The following TSPAN18 variants were observed in gnomAD, a reference collection of about 807,000 sequenced individuals.
The protein encoded by TSPAN18 is tetraspanin 18.
A neutral mutation model predicts 27.3 loss-of-function variants in TSPAN18; 14 were observed. That is an observed-to-expected ratio of 0.51 (90% CI 0.34 to 0.80). The LOEUF (loss-of-function observed/expected upper bound fraction) is 0.80, where lower values mean the gene tolerates loss of function less well. Ranked by LOEUF, TSPAN18 falls within the 30% of genes least tolerant of loss-of-function variation. The pLI is 0.01. For synonymous variants in TSPAN18, 143 were observed against 136.5 expected (o/e 1.05, Z -0.33); for missense variants, 268 against 323.9 (o/e 0.83, Z 1.32).
intron 1 of TSPAN18, 132 bp from the exon 2 acceptor site, chr11:44,764,294 G>T (rs999828719): frequency 6.6e-6 from 1 of 152,224 alleles, no homozygotes; most frequent in African/African-American, 2.4e-5. Context: ...TGGGTGCCCC[G>T]TCTGGCTTCT....
At chr11:44,804,177 C>T (rs1335151060) in intron 2 of TSPAN18, among the ~76,000 whole-genome samples, 3 of 152,134 alleles carry the variant, frequency 2.0e-5, no homozygotes, top group African/African-American at 4.8e-5. Flanking sequence ...GATCTCAGCT[C>T]ACTGCAACCT....
chr11:44,809,047 A>G (rs1481232610), intron 2 of TSPAN18, among the ~76,000 whole-genome samples: 1 of 152,110 alleles, frequency 6.6e-6, no homozygotes, highest in Non-Finnish European at 1.5e-5. Context: ...GTCCTAAATT[A>G]TTAATCTTCA....
At chr11:44,874,526 C>T (rs969234109) in intron 3 of TSPAN18, among the ~76,000 whole-genome samples, 4 of 152,198 alleles carry the variant, frequency 2.6e-5, no homozygotes, top group African/African-American at 9.7e-5. Flanking sequence ...TCAGCTGTCC[C>T]AAGTCACAGA....
At chr11:44,845,274 C>T (rs1300732496) in intron 2 of TSPAN18, among the ~76,000 whole-genome samples, 1 of 152,144 alleles carries the variant, frequency 6.6e-6, no homozygotes, top group Non-Finnish European at 1.5e-5. Flanking sequence ...CATGATTTGC[C>T]CCTCTGAGCC....
chr11:44,925,591 A>T (rs1860322675), intron 8 of TSPAN18: 1 of 152,224 alleles, frequency 6.6e-6, no homozygotes, highest in African/African-American at 2.4e-5. Flanking sequence ...CACGATGGAC[A>T]AGAGAAGTGA....
chr11:44,827,644 C>A (rs1857071913), intron 2 of TSPAN18, among the ~76,000 whole-genome samples: 1 of 152,224 alleles, frequency 6.6e-6, no homozygotes, highest in African/African-American at 2.4e-5. Flanking sequence ...ATCCCCCTTT[C>A]AAAATGTGGA....
intron 2 of TSPAN18, among the ~76,000 whole-genome samples, chr11:44,838,156 A>G (rs1441579925): frequency 6.6e-6 from 1 of 152,246 alleles, no homozygotes; most frequent in East Asian, 1.9e-4. Context: ...TAATAAAGAT[A>G]TGCCCGAGAC....
At chr11:44,746,795 T>G (rs537423672) in intron 1 of TSPAN18, among the ~76,000 whole-genome samples, 1 of 152,304 alleles carries the variant, frequency 6.6e-6, no homozygotes, top group East Asian at 1.9e-4. Flanking sequence ...AGATTATGAT[T>G]AGAAAATACA....
At chr11:44,896,197 C>T (rs1328290854) in intron 3 of TSPAN18, among the ~76,000 whole-genome samples, 1 of 151,938 alleles carries the variant, frequency 6.6e-6, no homozygotes, top group African/African-American at 2.4e-5. Flanking sequence ...CCCCAGTGAA[C>T]CTGTGGTAGC....
chr11:44,832,740 T>G (rs1310911924), intron 2 of TSPAN18, among the ~76,000 whole-genome samples: 1 of 152,190 alleles, frequency 6.6e-6, no homozygotes, highest in African/African-American at 2.4e-5. Context: ...CACCTGCTCC[T>G]GCCTAGCTTT....
rs1372262881 is a variant in TSPAN18 at position 44,807,230 on chromosome 11, AAAAAAAG to A, written c.-153+42721_-153+42727del. Among the ~76,000 whole-genome samples the A allele has an allele frequency of 1.2e-3, 25 of 21,650 alleles. 1 individual carries two copies. The highest frequency in any genetic ancestry group is 0.029 in the Middle Eastern group (1 of 34). The allele number at this position is 21,650 out of a possible 152,430, so 14.2% of individuals were successfully genotyped here. ...AAAAAAAAAAAAAAAAAAAAAAAAAAAAAAAAGAAGGAAAGAGGCCAGGCACCGTGGC... is the reference window on the plus strand; with the variant it reads ...AAAAAAAAAAAAAAAAAAAAAAAAAAAAGGAAAGAGGCCAGGCACCGTGGC... On this transcript the variant is annotated intron_variant, in intron 2 of 9. Coordinates refer to ENST00000520358, the MANE Select transcript of TSPAN18 (RefSeq NM_130783.5).
At chr11:44,821,756 C>T (rs960987369) in intron 2 of TSPAN18, among the ~76,000 whole-genome samples, 4 of 152,218 alleles carry the variant, frequency 2.6e-5, no homozygotes, top group Admixed American at 6.5e-5. Flanking sequence ...TTGTCTAGCA[C>T]ACACTGGGCT....
At chr11:44,839,274 C>T (rs1251269574) in intron 2 of TSPAN18, among the ~76,000 whole-genome samples, 1 of 152,190 alleles carries the variant, frequency 6.6e-6, no homozygotes, top group Non-Finnish European at 1.5e-5. Flanking sequence ...ACTCTGGGCC[C>T]CCCGGCTCCC....
At chr11:44,873,506 C>T (rs969036086) in intron 3 of TSPAN18, among the ~76,000 whole-genome samples, 1 of 152,206 alleles carries the variant, frequency 6.6e-6, no homozygotes, top group Non-Finnish European at 1.5e-5. Context: ...AGCAGACAAA[C>T]CCCTTGACTG....
chr11:44,816,489 T>A (rs1211434256), intron 2 of TSPAN18, among the ~76,000 whole-genome samples: 2 of 152,186 alleles, frequency 1.3e-5, no homozygotes, highest in East Asian at 3.9e-4. Flanking sequence ...GCTGCCTCTG[T>A]GTTGACACCA....
chr11:44,858,607 C>A (rs985447460), intron 2 of TSPAN18, among the ~76,000 whole-genome samples: 7 of 152,178 alleles, frequency 4.6e-5, no homozygotes, highest in African/African-American at 1.2e-4. Context: ...AAGACTCCCC[C>A]CTCCATGGAT....
At chr11:44,745,387 C>G (rs1177018125) in intron 1 of TSPAN18, among the ~76,000 whole-genome samples, 1 of 152,168 alleles carries the variant, frequency 6.6e-6, no homozygotes, top group Non-Finnish European at 1.5e-5. Context: ...AGCCCTGAGG[C>G]TCTAATGAGC....
At chr11:44,878,254 C>T (rs372387559) in intron 3 of TSPAN18, among the ~76,000 whole-genome samples, 20 of 152,148 alleles carry the variant, frequency 1.3e-4, no homozygotes, top group Middle Eastern at 3.4e-3. Context: ...CCTGGCTGGC[C>T]GGGCGTGTAA....
At chr11:44,777,820 A>C (rs1325835956) in intron 2 of TSPAN18, among the ~76,000 whole-genome samples, 2 of 152,060 alleles carry the variant, frequency 1.3e-5, no homozygotes, top group Non-Finnish European at 2.9e-5. Context: ...TAGACGTGCC[A>C]ATTTAATTTA....
Sources: allele counts gnomAD v4.1 joint callset (sites outside exome capture counted in the v4.1 genomes callset), GRCh38; gene constraint gnomAD v4.1.1; transcripts MANE v1.5; gene names NCBI Gene and HGNC (gene_info 2026-07-23, HGNC 2026-07-21).